Variants in ATRX observed in about 807,000 individuals in gnomAD.
ATRX encodes chromatin remodeler ATRX.
Under a neutral mutation model 172.6 loss-of-function variants are expected in ATRX, and 12 were observed. That is an observed-to-expected ratio of 0.07 (90% CI 0.04 to 0.11). The LOEUF is 0.11. Ranked by LOEUF, ATRX falls within the 10% of genes least tolerant of loss-of-function variation. The probability of loss-of-function intolerance (pLI) is 1.00; values close to 1 mark genes in which losing one functional copy is unlikely to be tolerated. For synonymous variants in ATRX, 674 were observed against 594.7 expected (o/e 1.13, Z -1.94); for missense variants, 1,368 against 1,767.4 (o/e 0.77, Z 4.05).
At chrX:77,663,625 C>T (rs2148491133) in intron 11 of ATRX, 67 bp from the exon 12 acceptor site, 1 of 990,470 alleles carries the variant, frequency 1.0e-6, no homozygotes, top group Non-Finnish European at 1.4e-6. Context: ...ATCTATTTTG[C>T]CTGTTGACAA....
intron 1 of ATRX, among the ~76,000 whole-genome samples, chrX:77,783,733 T>A (rs1263819440): frequency 8.9e-6 from 1 of 112,035 alleles, no homozygotes; most frequent in Admixed American, 9.6e-5. Context: ...AGATTCTCCT[T>A]TAACCATGAT....
At chrX:77,670,117 C>G (rs2070475439) in intron 10 of ATRX, among the ~76,000 whole-genome samples, 1 of 111,677 alleles carries the variant, frequency 9.0e-6, no homozygotes. Flanking sequence ...TTAAGAGGTT[C>G]TGAGAACAGG....
At chrX:77,602,882 C>A in intron 22 of ATRX, among the ~76,000 whole-genome samples, 1 of 109,926 alleles carries the variant, frequency 9.1e-6, no homozygotes, top group East Asian at 2.8e-4. Context: ...TAAGCTAAAC[C>A]CAAAGCTTGC....
chrX:77,561,212 A>G (rs1419027029), intron 28 of ATRX, among the ~76,000 whole-genome samples: 1 of 110,365 alleles, frequency 9.1e-6, no homozygotes, highest in Non-Finnish European at 1.9e-5. Flanking sequence ...AAATTATTCC[A>G]GTTATTAATA....
intron 30 of ATRX, among the ~76,000 whole-genome samples, chrX:77,533,577 T>C (rs1160878402): frequency 1.8e-5 from 2 of 110,871 alleles, no homozygotes; most frequent in Non-Finnish European, 3.8e-5. Context: ...TGGGACCTGA[T>C]CGATGAGAAC....
At chrX:77,656,455 T>C (rs900458035) in intron 13 of ATRX, 105 bp downstream of exon 13, 44 of 585,704 alleles carry the variant, frequency 7.5e-5, no homozygotes, top group Non-Finnish European at 2.3e-5. Flanking sequence ...AAATATTATA[T>C]ATCACACTAA....
intron 10 of ATRX, among the ~76,000 whole-genome samples, chrX:77,673,717 A>G (rs782176481): frequency 4.5e-5 from 5 of 110,960 alleles, no homozygotes; most frequent in Admixed American, 9.7e-5. Context: ...TGCCCCCAAA[A>G]GCCATCATAG....
intron 28 of ATRX, among the ~76,000 whole-genome samples, chrX:77,563,982 A>G (rs2065110596): frequency 9.0e-6 from 1 of 110,928 alleles, no homozygotes; most frequent in Admixed American, 9.7e-5. Flanking sequence ...TGGATGTCCC[A>G]GCTCAAAGAA....
chrX:77,709,918 T>C (rs1263634927), intron 2 of ATRX, among the ~76,000 whole-genome samples: 2 of 112,347 alleles, frequency 1.8e-5, no homozygotes, highest in African/African-American at 3.2e-5. Context: ...TAAAAACGTA[T>C]ATATAAATAT....
rs1557144112 is a variant in ATRX, at chrX:77,686,681, C to T, written c.595-1675G>A. On this transcript the variant is annotated intron_variant, in intron 7 of 34. Transcript: ENST00000373344. ...AGTGAGCCAAGATCACGCCATTGCA[C>T]TCCAGCCTGGGCAACAGAGTGACAC... Among the ~76,000 whole-genome samples, 4 of 110,983 alleles carry T rather than the reference C, an allele frequency of 3.6e-5. No individual in the cohort carries two copies. The South Asian group carries it at 1.6e-3, about 43-fold the overall frequency.
intron 1 of ATRX, among the ~76,000 whole-genome samples, chrX:77,782,436 A>G (rs1557205983): frequency 8.9e-6 from 1 of 112,389 alleles, no homozygotes; most frequent in South Asian, 3.6e-4. Flanking sequence ...AAATCTCCCA[A>G]TACTGAAATC....
intron 1 of ATRX, among the ~76,000 whole-genome samples, chrX:77,736,157 CA>C (rs782066606): frequency 1.8e-5 from 2 of 111,525 alleles, no homozygotes; most frequent in African/African-American, 3.3e-5. Flanking sequence ...TTAGTCTGGG[CA>C]AAATTTTCTT....
chrX:77,714,401 C>T (rs1197665846), intron 2 of ATRX, among the ~76,000 whole-genome samples: 3 of 111,686 alleles, frequency 2.7e-5, no homozygotes, highest in South Asian at 3.8e-4. Context: ...AAGCTGCAAA[C>T]TTTGTGGTCA....
intron 1 of ATRX, 100 bp downstream of exon 1, chrX:77,785,882 C>T: frequency 9.4e-7 from 1 of 1,059,772 alleles, no homozygotes; most frequent in Non-Finnish European, 1.2e-6. Flanking sequence ...CTAAGCAACA[C>T]ACAGGCCTAA....
chrX:77,782,692 G>A (rs1376596708), intron 1 of ATRX, among the ~76,000 whole-genome samples: 3 of 111,896 alleles, frequency 2.7e-5, no homozygotes, highest in East Asian at 2.8e-4. Context: ...GGCAAAGGTT[G>A]TAGTGAGCCA....
chrX:77,745,600 T>C (rs1029463448), intron 1 of ATRX, among the ~76,000 whole-genome samples: 2 of 111,241 alleles, frequency 1.8e-5, no homozygotes, highest in African/African-American at 3.3e-5. Context: ...GGACGGGTAG[T>C]GGGGGCCAGG....
At chrX:77,749,463 T>C (rs1159103719) in intron 1 of ATRX, among the ~76,000 whole-genome samples, 1 of 111,424 alleles carries the variant, frequency 9.0e-6, no homozygotes, top group Non-Finnish European at 1.9e-5. Flanking sequence ...TCCTTTTCGA[T>C]ATATACTCAG....
At chrX:77,735,988 G>C (rs1855666748) in intron 1 of ATRX, among the ~76,000 whole-genome samples, 1 of 106,037 alleles carries the variant, frequency 9.4e-6, no homozygotes, top group Non-Finnish European at 1.9e-5. Flanking sequence ...TGGGCAACAA[G>C]AGCCGAAACT....
chrX:77,681,998 T>C lies in ATRX; in HGVS notation c.3258A>G (p.Ala1086=), dbSNP rs782113097. The part of the protein sequence containing the change: ...SSEDKKSKNG[A]YGREKKRCKL... ...TGCACCTTTTCTTCTCTCTACCATA[T>C]GCTCCATTCTTACTCTTTTTATCCT... Residue 1086 remains alanine (A), a synonymous_variant, in exon 9 of 35, where the codon GCA becomes GCG. Transcript: ENST00000373344. The C allele has an allele frequency of 5.8e-6, 7 of 1,210,893 alleles. No homozygotes were observed. Among genetic ancestry groups the C allele is most frequent in the Non-Finnish European group, 4.5e-6 (4 of 894,799 alleles).
Sources: allele counts gnomAD v4.1 joint callset (sites outside exome capture counted in the v4.1 genomes callset), GRCh38; gene constraint gnomAD v4.1.1; transcripts MANE v1.5; gene names NCBI Gene and HGNC (gene_info 2026-07-23, HGNC 2026-07-21).